The following TUSC3 variants were observed in gnomAD, a reference collection of about 807,000 sequenced individuals.
TUSC3 encodes tumor suppressor candidate 3.
In TUSC3, 45 loss-of-function variants were observed where a neutral mutation model predicts 44.8. The ratio of observed to expected loss-of-function variants is 1.00; its 90% CI spans 0.79 to 1.29. TUSC3 has a LOEUF of 1.29. TUSC3 is among the 50% of genes most tolerant of loss of function. TUSC3 has a pLI of 0.00. For missense variants in TUSC3, 519 were observed against 437.9 expected, an observed-to-expected ratio of 1.19 and a Z score of -1.65; for synonymous variants, 212 against 152.9, an observed-to-expected ratio of 1.39 and a Z score of -2.85.
the TUSC3 span, among the ~76,000 whole-genome samples, chr8:15,834,339 C>G: frequency 1.3e-5 from 2 of 152,068 alleles, no homozygotes; most frequent in Non-Finnish European, 2.9e-5. Flanking sequence ...GTTACTGTGT[C>G]ATCAATTTCT....
chr8:15,462,049 C>T (rs374812021), intron 1 of TUSC3, among the ~76,000 whole-genome samples: 1 of 151,978 alleles, frequency 6.6e-6, no homozygotes, highest in African/African-American at 2.4e-5. Context: ...CCCCTGGATT[C>T]TGTGAAATAT....
intron 1 of TUSC3, among the ~76,000 whole-genome samples, chr8:15,436,891 A>C (rs1799954446): frequency 6.6e-6 from 1 of 152,138 alleles, no homozygotes; most frequent in African/African-American, 2.4e-5. Flanking sequence ...AGGGCAGTGC[A>C]TATTTTTTAT....
the TUSC3 span, among the ~76,000 whole-genome samples, chr8:15,823,803 T>G: frequency 2.2e-5 from 2 of 92,292 alleles, no homozygotes; most frequent in Non-Finnish European, 6.3e-5. Context: ...TTCAGTGAGT[T>G]AACGATAACA....
intron 9 of TUSC3, among the ~76,000 whole-genome samples, chr8:15,751,493 T>C (rs1236880681): frequency 6.6e-6 from 1 of 152,136 alleles, no homozygotes; most frequent in Non-Finnish European, 1.5e-5. Flanking sequence ...TCTCTCAACA[T>C]GATTTTGTGA....
intron 6 of TUSC3, among the ~76,000 whole-genome samples, chr8:15,704,415 C>G (rs11995858): frequency 0.029 from 4,414 of 151,000 alleles, 65 homozygotes; most frequent in East Asian, 0.053. Context: ...CTTGTAAACT[C>G]TGTTAGGGAC....
chr8:15,493,268 T>C (rs576424982), intron 2 of TUSC3, among the ~76,000 whole-genome samples: 1 of 152,220 alleles, frequency 6.6e-6, no homozygotes, highest in Non-Finnish European at 1.5e-5. Flanking sequence ...TTTTTTTTTC[T>C]TTAGAGACAG....
intron 2 of TUSC3, among the ~76,000 whole-genome samples, chr8:15,484,342 A>G (rs181808659): frequency 1.3e-5 from 2 of 152,338 alleles, no homozygotes; most frequent in East Asian, 3.9e-4. Context: ...TCAGAAATGA[A>G]TATAATATAG....
the TUSC3 span, among the ~76,000 whole-genome samples, chr8:15,843,606 A>AG: frequency 4.8e-5 from 7 of 146,872 alleles, no homozygotes; most frequent in African/African-American, 8.0e-5. Flanking sequence ...ATATATATAT[A>AG]TATATATATA....
chr8:15,521,231 G>C (rs1335703823), intron 2 of TUSC3, among the ~76,000 whole-genome samples: 1 of 152,128 alleles, frequency 6.6e-6, no homozygotes, highest in Non-Finnish European at 1.5e-5. Flanking sequence ...GATAGCCTCT[G>C]GGATGCTTGA....
intron 6 of TUSC3, among the ~76,000 whole-genome samples, chr8:15,730,266 A>G (rs1452232679): frequency 6.6e-6 from 1 of 152,264 alleles, no homozygotes; most frequent in Middle Eastern, 3.4e-3. Flanking sequence ...AAAAACTTTG[A>G]TAATGTGGAA....
the TUSC3 span, among the ~76,000 whole-genome samples, chr8:15,803,615 T>C: frequency 6.6e-6 from 1 of 152,202 alleles, no homozygotes; most frequent in Non-Finnish European, 1.5e-5. Context: ...TACATGGGTA[T>C]ACACCTGCCA....
chr8:15,541,694 G>C (rs1801696831), intron 1 of TUSC3, among the ~76,000 whole-genome samples: 1 of 151,838 alleles, frequency 6.6e-6, no homozygotes, highest in Admixed American at 6.6e-5. Flanking sequence ...TTCTGCTAAG[G>C]GATTTAGAGA....
intron 1 of TUSC3, among the ~76,000 whole-genome samples, chr8:15,581,655 T>C (rs999136686): frequency 2.0e-5 from 3 of 149,482 alleles, no homozygotes; most frequent in African/African-American, 7.5e-5. Context: ...GGGACCCACT[T>C]GAGGAGGCAG....
chr8:15,837,609 T>C, the TUSC3 span, among the ~76,000 whole-genome samples: 1 of 152,284 alleles, frequency 6.6e-6, no homozygotes, highest in South Asian at 2.1e-4. Context: ...CCTTCCATTT[T>C]CTGAGATCTG....
At chr8:15,433,062 C>G (rs527546404) in intron 1 of TUSC3, among the ~76,000 whole-genome samples, 1 of 152,170 alleles carries the variant, frequency 6.6e-6, no homozygotes, top group African/African-American at 2.4e-5. Flanking sequence ...GGAATCCAGT[C>G]TCATGACCCA....
At position 15,559,501 on chromosome 8, in the gene TUSC3, T is replaced by C. The variant is rs945000299; in HGVS notation, c.138+18933T>C. 3.5e-5 allele frequency among the ~76,000 whole-genome samples: 5 copies of C among 143,206 alleles called. 1 individual carries two copies. The East Asian group carries it at 6.4e-4, about 18-fold the overall frequency. 93.9% of individuals were successfully genotyped at this position (143,206 alleles called of 152,430 possible). A position where few individuals can be genotyped will look rare whatever the true frequency, so the allele number is the denominator to read the frequency against. On this transcript the variant is annotated intron_variant, in intron 1 of 10. Coordinates refer to ENST00000503731, the MANE Select transcript of TUSC3 (RefSeq NM_006765.4). ...TCTGTTGATTTGGGGTGGAGAGTTCTGTAGATGTCTGTTAGGTCCGCTTGG... is the reference window on the plus strand; with the variant it reads ...TCTGTTGATTTGGGGTGGAGAGTTCCGTAGATGTCTGTTAGGTCCGCTTGG...
At chr8:15,713,638 A>T (rs1809947984) in intron 6 of TUSC3, among the ~76,000 whole-genome samples, 1 of 152,066 alleles carries the variant, frequency 6.6e-6, no homozygotes, top group Non-Finnish European at 1.5e-5. Context: ...CTTGGATTGT[A>T]GATGGCTGCC....
intron 1 of TUSC3, among the ~76,000 whole-genome samples, chr8:15,424,916 A>G (rs1284228618): frequency 1.3e-5 from 2 of 152,018 alleles, no homozygotes; most frequent in Non-Finnish European, 2.9e-5. Flanking sequence ...GCCCTCCACA[A>G]TTGCTAGCAT....
intron 6 of TUSC3, among the ~76,000 whole-genome samples, chr8:15,690,781 G>C (rs139431506): frequency 0.027 from 4,040 of 151,902 alleles, 176 homozygotes; most frequent in African/African-American, 0.091. Flanking sequence ...GTTTGTTTTT[G>C]TCAGGTTTGT....
Sources: gnomAD v4.1 joint callset for allele counts (sites outside exome capture counted in the v4.1 genomes callset) on GRCh38, gnomAD v4.1.1 for gene constraint, MANE v1.5 for transcripts, NCBI Gene and HGNC (gene_info 2026-07-23, HGNC 2026-07-21) for gene names.